GC: variants seen among roughly 807,000 people sequenced by gnomAD.
The protein encoded by GC is GC vitamin D binding protein, also known as vitamin D-binding protein.
Under a neutral mutation model 56.7 loss-of-function variants are expected in GC, and 43 were observed. The observed-to-expected ratio is 0.76, with a 90% CI of 0.59 to 0.98. The LOEUF (loss-of-function observed/expected upper bound fraction) is 0.98, where lower values mean the gene tolerates loss of function less well. Ranked by LOEUF, GC falls within the 50% of genes least tolerant of loss-of-function variation. The pLI is 0.00. For synonymous variants in GC, 216 were observed against 202.7 expected, an observed-to-expected ratio of 1.07 and a Z score of -0.56; for missense variants, 529 against 545.9, an observed-to-expected ratio of 0.97 and a Z score of 0.31.
At chr4:71,771,536 A>G (rs1742342543) in intron 1 of GC, among the ~76,000 whole-genome samples, 1 of 152,090 alleles carries the variant, frequency 6.6e-6, no homozygotes, top group East Asian at 1.9e-4. Context: ...CAAGAGACCT[A>G]CTCAAACACC....
In GC at chr4:71,752,601, G is replaced by A. The variant is rs1466422838; in HGVS notation, c.1312C>T (p.Leu438=). The change falls in exon 11 of 13, where the codon CTG becomes TTG. Residue 438 remains leucine (L), a synonymous_variant. Coordinates refer to ENST00000273951, the MANE Select transcript of GC (RefSeq NM_000583.4). The part of the protein sequence containing the change: ...AKLPDATPTE[L]AKLVNKHSDF... Reference sequence around the variant, plus strand: ...GAGTGCTTGTTAACCAGCTTTGCCAGTTCCGTGGGTGTGGCATCAGGCAAT... The same window carrying A: ...GAGTGCTTGTTAACCAGCTTTGCCAATTCCGTGGGTGTGGCATCAGGCAAT... 1 of 1,613,526 alleles carries A rather than the reference G, an allele frequency of 6.2e-7. No homozygotes were observed. The highest frequency in any genetic ancestry group is 1.3e-5 in the African/African-American group (1 of 75,034).
At chr4:71,796,252 A>T (rs1313583338) in intron 1 of GC, among the ~76,000 whole-genome samples, 1 of 152,114 alleles carries the variant, frequency 6.6e-6, no homozygotes, top group Non-Finnish European at 1.5e-5. Flanking sequence ...TATCCTTAAG[A>T]GTGTTTTCTA....
intron 10 of GC, among the ~76,000 whole-genome samples, chr4:71,753,334 A>G (rs1741615521): frequency 6.6e-6 from 1 of 152,102 alleles, no homozygotes; most frequent in Admixed American, 6.6e-5. Flanking sequence ...AAGGAGACTC[A>G]AATTAATCTA....
chr4:71,794,619 A>T (rs866510799), intron 1 of GC, among the ~76,000 whole-genome samples: 1 of 151,986 alleles, frequency 6.6e-6, no homozygotes, highest in African/African-American at 2.4e-5. Flanking sequence ...TCCTGGATCC[A>T]TTGATTTTTT....
At chr4:71,761,001 G>A in intron 6 of GC, among the ~76,000 whole-genome samples, 1 of 152,192 alleles carries the variant, frequency 6.6e-6, no homozygotes, top group East Asian at 1.9e-4. Flanking sequence ...CAGGAGTGCG[G>A]TGCTGCTGAA....
upstream of GC, among the ~76,000 whole-genome samples, chr4:71,787,023 C>T (rs1742856632): frequency 6.6e-6 from 1 of 151,814 alleles, no homozygotes; most frequent in Non-Finnish European, 1.5e-5. Flanking sequence ...TCTTATAGTT[C>T]AGCCATTTAG....
At chr4:71,752,048 A>AT (rs921414975) in intron 11 of GC, among the ~76,000 whole-genome samples, 5 of 151,990 alleles carry the variant, frequency 3.3e-5, no homozygotes, top group Non-Finnish European at 5.9e-5. Flanking sequence ...TAAAGTATTT[A>AT]TTTTTATCAA....
rs576849599 is a variant in GC at position 71,798,500 on chromosome 4, G to T, written c.21+5426C>A. Among the ~76,000 whole-genome samples the T allele has an allele frequency of 2.6e-5, 4 of 152,124 alleles. 1 individual carries two copies. The highest frequency in any genetic ancestry group is 5.9e-5 in the Non-Finnish European group (4 of 68,030). ...GACTTTTCTTTCTATTGGTGCTTCA[G>T]TTACTGGTTAATCATCTTGAACCTG... On this transcript the variant is annotated intron_variant, in intron 1 of 13. Transcript: ENST00000504199.
chr4:71,763,618 C>G (rs1742057292), intron 5 of GC, 116 bp from the exon 6 acceptor site: 1 of 761,418 alleles, frequency 1.3e-6, no homozygotes, highest in African/African-American at 1.8e-5. Context: ...AAACTGAACA[C>G]TGGTGAAAGG....
At chr4:71,767,696 A>G (rs189567181) in intron 3 of GC, among the ~76,000 whole-genome samples, 231 of 150,922 alleles carry the variant, frequency 1.5e-3, no homozygotes, top group African/African-American at 5.3e-3. Context: ...GAACAAAACT[A>G]TTTTGTTTTT....
At chr4:71,801,551 C>T (rs1028152487) in intron 1 of GC, among the ~76,000 whole-genome samples, 3 of 152,138 alleles carry the variant, frequency 2.0e-5, no homozygotes, top group Non-Finnish European at 4.4e-5. Flanking sequence ...AAGTTCCTTA[C>T]TCACAGAAAT....
chr4:71,784,171 A>G, upstream of GC: 1 of 1,327,344 alleles, frequency 7.5e-7, no homozygotes, highest in Non-Finnish European at 9.7e-7. Context: ...TTATTATTAA[A>G]CACAGAAGCA....
intron 5 of GC, 102 bp from the exon 6 acceptor site, chr4:71,763,604 T>C (rs1054062581): frequency 7.1e-5 from 55 of 777,842 alleles, no homozygotes; most frequent in Admixed American, 1.6e-4. Flanking sequence ...TTTTAATGAA[T>C]AGGAAACTGA....
In GC at chr4:71,766,331, A is replaced by C. The variant is rs1304009173; in HGVS notation, c.262-688T>G. On this transcript the variant is annotated intron_variant, in intron 3 of 12. Coordinates refer to ENST00000273951, the MANE Select transcript of GC (RefSeq NM_000583.4). ...AGCTCCAAGATTTATGTGCAGGTGC[A>C]GTGTAGGTTGAAAACCACTGATGCA... Among the ~76,000 whole-genome samples the C allele has an allele frequency of 2.0e-5, 3 of 152,212 alleles. No individual in the cohort carries two copies. In the East Asian group the frequency reaches 5.8e-4, roughly 29 times the overall value.
chr4:71,768,455 A>G (rs1479106553), intron 2 of GC, 22 bp from the exon 3 acceptor site: 1 of 1,591,496 alleles, frequency 6.3e-7, no homozygotes, highest in Non-Finnish European at 8.6e-7. Context: ...ATAAGACAAT[A>G]TATCAATTAG....
In GC at chr4:71,803,984, G is replaced by A. The variant is rs1743306814; in HGVS notation, c.-38C>T. The A allele has an allele frequency of 2.3e-6, 3 of 1,288,898 alleles. No individual in the cohort carries two copies. In the South Asian group the frequency reaches 3.8e-5, roughly 16 times the overall value. 79.8% of individuals were successfully genotyped at this position (1,288,898 alleles called of 1,614,324 possible). ...GGACTAGTCCAGATCATCACCAGTG[G>A]TAGAATAGGTAGATATCATTCTCCT... On this transcript the variant is annotated 5_prime_UTR_variant, in exon 1 of 14. Transcript: ENST00000504199.
chr4:71,749,041 G>A (rs962418383), intron 11 of GC, among the ~76,000 whole-genome samples: 2 of 152,260 alleles, frequency 1.3e-5, no homozygotes, highest in East Asian at 1.9e-4. Context: ...AACAGATGTT[G>A]CACTAAAGTA....
At chr4:71,744,802 G>A (rs138810849) in intron 12 of GC, among the ~76,000 whole-genome samples, 90 of 152,132 alleles carry the variant, frequency 5.9e-4, no homozygotes, top group African/African-American at 2.1e-3. Flanking sequence ...TGGGGATTGA[G>A]ATAAAGGAAA....
chr4:71,744,303 ACC>A (rs372798554), intron 12 of GC, among the ~76,000 whole-genome samples: 1 of 146,592 alleles, frequency 6.8e-6, no homozygotes, highest in Admixed American at 6.8e-5. Flanking sequence ...AAAAAAAAAA[ACC>A]CAAATTAGCT....
Sources: allele counts gnomAD v4.1 joint callset (sites outside exome capture counted in the v4.1 genomes callset), GRCh38; gene constraint gnomAD v4.1.1; transcripts MANE v1.5; gene names NCBI Gene and HGNC (gene_info 2026-07-23, HGNC 2026-07-21).